The following GSE1 variants were observed in gnomAD, a reference collection of about 807,000 sequenced individuals.
GSE1 encodes the protein genetic suppressor element 1.
A neutral mutation model predicts 112.6 loss-of-function variants in GSE1; 32 were observed. That is an observed-to-expected ratio of 0.28 (90% confidence interval 0.21 to 0.38). GSE1 has a LOEUF of 0.38. Among genes scored for constraint, GSE1 ranks in the 10% least tolerant of loss-of-function variants. The pLI is 1.00. For synonymous variants in GSE1, 1,115 were observed against 735.6 expected (o/e 1.52, Z -8.35); for missense variants, 2,348 against 1,699.2 (o/e 1.38, Z -6.71).
chr16:85,634,311 C>T (rs1315488115), intron 2 of GSE1, among the ~76,000 whole-genome samples, 179 bp downstream of exon 2: 1 of 152,262 alleles, frequency 6.6e-6, no homozygotes, highest in African/African-American at 2.4e-5. Flanking sequence ...CCTGCCCCAG[C>T]ACCTCCGCTT....
At chr16:85,234,052 T>C (rs1456585886) in intron 1 of GSE1, among the ~76,000 whole-genome samples, 4 of 152,226 alleles carry the variant, frequency 2.6e-5, no homozygotes, top group African/African-American at 7.2e-5. Context: ...TCAGGTTCAA[T>C]AGGACAAGAC....
chr16:85,572,027 GCACA>G (rs772544887), intron 1 of GSE1, among the ~76,000 whole-genome samples: 12 of 151,212 alleles, frequency 7.9e-5, no homozygotes, highest in Non-Finnish European at 1.8e-4. Context: ...AGAACACATA[GCACA>G]CACACACACG....
intron 1 of GSE1, among the ~76,000 whole-genome samples, chr16:85,210,250 A>G (rs779826558): frequency 3.3e-5 from 5 of 152,188 alleles, no homozygotes; most frequent in South Asian, 4.1e-4. Context: ...ATAAGAAGGG[A>G]AATAATAGGT....
At chr16:85,256,910 G>C (rs6564109) in intron 1 of GSE1, among the ~76,000 whole-genome samples, 149,225 of 152,342 alleles carry the variant, frequency 0.98, 73,100 homozygotes, top group East Asian at 1. Flanking sequence ...AAGTGCTCAC[G>C]ACATGTGGCC....
chr16:85,656,002 C>G (rs1277459694), intron 6 of GSE1, 85 bp downstream of exon 6: 4 of 1,100,850 alleles, frequency 3.6e-6, no homozygotes, highest in Non-Finnish European at 5.2e-6. Context: ...TGGAACCTGA[C>G]TGGACTCCTT....
intron 1 of GSE1, among the ~76,000 whole-genome samples, chr16:85,172,121 A>G (rs968182276): frequency 6.6e-6 from 1 of 152,136 alleles, no homozygotes; most frequent in Non-Finnish European, 1.5e-5. Context: ...GGGATCTATC[A>G]AACAGAGGAA....
At chr16:85,610,851 G>C (rs1318786052), upstream of GSE1, among the ~76,000 whole-genome samples, 1 of 152,206 alleles carries the variant, frequency 6.6e-6, no homozygotes, top group Non-Finnish European at 1.5e-5. Flanking sequence ...TGTGAAACGG[G>C]ACCAGACCAC....
At chr16:85,578,587 G>T (rs1232340881) in intron 1 of GSE1, among the ~76,000 whole-genome samples, 1 of 152,172 alleles carries the variant, frequency 6.6e-6, no homozygotes, top group Non-Finnish European at 1.5e-5. Context: ...AGGGCTAACT[G>T]ACTTGCCCAG....
At chr16:85,276,210 A>T (rs894066604) in intron 1 of GSE1, among the ~76,000 whole-genome samples, 1 of 152,190 alleles carries the variant, frequency 6.6e-6, no homozygotes, top group Non-Finnish European at 1.5e-5. Flanking sequence ...CAGCTGGAAG[A>T]CCCTCCTGGT....
intron 1 of GSE1, among the ~76,000 whole-genome samples, chr16:85,293,963 G>A (rs946647095): frequency 3.9e-5 from 6 of 152,162 alleles, no homozygotes; most frequent in African/African-American, 1.4e-4. Flanking sequence ...CTGAAGTCTC[G>A]GGAGCAATGC....
At chr16:85,548,521 T>A (rs2044785212) in intron 2 of GSE1, among the ~76,000 whole-genome samples, 1 of 152,226 alleles carries the variant, frequency 6.6e-6, no homozygotes, top group Non-Finnish European at 1.5e-5. Flanking sequence ...GTCTGGCCTA[T>A]TTCATTTAAC....
chr16:85,304,609 T>TGGGGGGGGGG (rs34644508), intron 1 of GSE1, among the ~76,000 whole-genome samples: 4 of 110,940 alleles, frequency 3.6e-5, no homozygotes, highest in South Asian at 4.2e-4. Context: ...GGCGGGGGGG[T>TGGGGGGGGGG]GGGGCATCCC....
chr16:85,556,905 G>T (rs1483880775), intron 1 of GSE1, among the ~76,000 whole-genome samples: 1 of 152,060 alleles, frequency 6.6e-6, no homozygotes, highest in East Asian at 1.9e-4. Context: ...TCGGAGGAGG[G>T]GGCCGGGGAA....
At chr16:85,264,650 G>A (rs1328061393) in intron 1 of GSE1, among the ~76,000 whole-genome samples, 1 of 152,166 alleles carries the variant, frequency 6.6e-6, no homozygotes, top group Non-Finnish European at 1.5e-5. Flanking sequence ...TGTGGACGGC[G>A]TCGGGTGGGC....
intron 1 of GSE1, among the ~76,000 whole-genome samples, chr16:85,199,581 G>GC (rs1384399549): frequency 1.3e-5 from 2 of 152,170 alleles, no homozygotes; most frequent in East Asian, 3.8e-4. Context: ...TCTCCAGGAG[G>GC]CCCCTCCGCT....
chr16:85,218,464 T>A (rs1285249976), intron 1 of GSE1, among the ~76,000 whole-genome samples: 1 of 152,132 alleles, frequency 6.6e-6, no homozygotes, highest in Non-Finnish European at 1.5e-5. Flanking sequence ...ACCTGCGGAG[T>A]GCCAGGCACA....
At chr16:85,296,095 A>G (rs1438296755) in intron 1 of GSE1, among the ~76,000 whole-genome samples, 1 of 152,050 alleles carries the variant, frequency 6.6e-6, no homozygotes, top group Non-Finnish European at 1.5e-5. Context: ...AAATGTAGGG[A>G]TGAAAGCTGT....
chr16:85,573,032 G>C (rs141696513), intron 1 of GSE1, among the ~76,000 whole-genome samples: 440 of 152,270 alleles, frequency 2.9e-3, no homozygotes, highest in African/African-American at 9.6e-3. Context: ...ACCACACCTA[G>C]CTAATTTTTG....
At chr16:85,378,864 C>A (rs1340730862) in intron 2 of GSE1, among the ~76,000 whole-genome samples, 1 of 152,208 alleles carries the variant, frequency 6.6e-6, no homozygotes, top group Admixed American at 6.5e-5. Flanking sequence ...TCCCTCTCCT[C>A]CACTTGAGAA....
Sources: gnomAD v4.1 joint callset for allele counts (sites outside exome capture counted in the v4.1 genomes callset) on GRCh38, gnomAD v4.1.1 for gene constraint, MANE v1.5 for transcripts, NCBI Gene and HGNC (gene_info 2026-07-23, HGNC 2026-07-21) for gene names.